Variants in SLC26A9 observed in about 807,000 individuals in gnomAD.
SLC26A9 encodes the protein anion transporter/exchanger protein 9.
SLC26A9 carries 46 observed loss-of-function variants against 87.1 expected under a neutral mutation model. The observed-to-expected ratio is 0.53, with a 90% confidence interval of 0.42 to 0.67. The LOEUF (loss-of-function observed/expected upper bound fraction) is 0.67. Ranked by LOEUF, SLC26A9 falls within the 30% of genes least tolerant of loss-of-function variation. The pLI, the probability that SLC26A9 is intolerant of heterozygous loss-of-function variation, is 0.00. For missense variants in SLC26A9, 927 were observed against 1,018.3 expected, an observed-to-expected ratio of 0.91 and a Z score of 1.22; for synonymous variants, 437 against 409.1, an observed-to-expected ratio of 1.07 and a Z score of -0.82.
chr1:205,922,354 G>A (rs1390750054), intron 16 of SLC26A9, among the ~76,000 whole-genome samples: 1 of 152,210 alleles, frequency 6.6e-6, no homozygotes, highest in African/African-American at 2.4e-5. Context: ...GGGCAGGCTG[G>A]TCTCGAACTC....
rs763848901 is a variant in SLC26A9, at chr1:205,929,363, G to A, written c.718-7C>T. 2 of 1,613,220 alleles carry A rather than the reference G, an allele frequency of 1.2e-6. No individual in the cohort carries two copies. Among genetic ancestry groups the A allele is most frequent in the African/African-American group, 2.7e-5 (2 of 74,916 alleles). On this transcript the variant is annotated splice_region_variant and splice_polypyrimidine_tract_variant and intron_variant, in intron 6 of 20. Coordinates refer to ENST00000367135, the MANE Select transcript of SLC26A9 (RefSeq NM_052934.4). Reference sequence around the variant, plus strand: ...TGCAAATGTCAATGAAGGTCTGGGGGAAAGAGCATCATGCTCACAGGCTCC... The same window carrying A: ...TGCAAATGTCAATGAAGGTCTGGGGAAAAGAGCATCATGCTCACAGGCTCC...
intron 12 of SLC26A9, among the ~76,000 whole-genome samples, chr1:205,924,998 T>A (rs889528984): frequency 6.6e-6 from 1 of 152,140 alleles, no homozygotes; most frequent in African/African-American, 2.4e-5. Context: ...CTCGCTAAGC[T>A]GCCCAAGCTG....
chr1:205,937,489 C>T (rs1378832799), intron 1 of SLC26A9, among the ~76,000 whole-genome samples: 2 of 152,166 alleles, frequency 1.3e-5, no homozygotes, highest in Non-Finnish European at 2.9e-5. Flanking sequence ...TTCAAAGATT[C>T]AGTTTCTTCA....
At chr1:205,917,195 G>C (rs1658628465) in intron 20 of SLC26A9, 88 bp downstream of exon 20, 1 of 1,325,014 alleles carries the variant, frequency 7.5e-7, no homozygotes, top group South Asian at 1.2e-5. Context: ...AGGTGAGACA[G>C]CTGAGTGAAC....
chr1:205,918,856 C>T lies in SLC26A9; in HGVS notation c.2240G>A (p.Gly747Glu). 6.2e-7 allele frequency: 1 copy of T among 1,613,898 alleles called. No individual in the cohort carries two copies. Among genetic ancestry groups the T allele is most frequent in the African/African-American group, 1.3e-5 (1 of 75,050 alleles). ...GAACCTTACCCCTTGGAAGTTGTGT[C>T]CTGGGGTCACGTCTCTAGCATTTGC... Reference protein sequence around the residue: ...AQANARDVTPGHNFQGAPGDA... With the variant: ...AQANARDVTPEHNFQGAPGDA... The change falls in exon 19 of 21, where the codon GGA (glycine) becomes GAA (glutamate). Residue 747 changes from glycine to glutamate, a missense_variant. By Grantham distance (98) the Gly-to-Glu change is moderately conservative (BLOSUM62 -2). Coordinates refer to ENST00000367135, the MANE Select transcript of SLC26A9 (RefSeq NM_052934.4).
At chr1:205,937,276 C>T (rs1659544712) in intron 1 of SLC26A9, among the ~76,000 whole-genome samples, 2 of 152,134 alleles carry the variant, frequency 1.3e-5, no homozygotes, top group Admixed American at 1.3e-4. Flanking sequence ...TGAACCTACC[C>T]CCAGCGCCTG....
intron 5 of SLC26A9, 105 bp downstream of exon 5, chr1:205,931,755 C>T: frequency 6.9e-7 from 1 of 1,440,008 alleles, no homozygotes; most frequent in South Asian, 1.4e-5. Context: ...GCATGAGCCT[C>T]CACACCCAGC....
chr1:205,940,372 G>C (rs1659687463), intron 1 of SLC26A9, among the ~76,000 whole-genome samples: 1 of 152,158 alleles, frequency 6.6e-6, no homozygotes, highest in African/African-American at 2.4e-5. Context: ...TTCTAACCAG[G>C]TCTCTGTCAA....
intron 16 of SLC26A9, among the ~76,000 whole-genome samples, chr1:205,922,055 A>C (rs558893440): frequency 6.6e-5 from 10 of 152,338 alleles, no homozygotes; most frequent in Non-Finnish European, 1.3e-4. Context: ...CCTACAACCC[A>C]GACAAAGTCA....
Position 205,939,082 on chromosome 1 carries a change from G to A in SLC26A9, c.-18-3244C>T, listed in dbSNP as rs766922568. The stretch of plus-strand genomic sequence containing the variant: ...CATCTGCCCATCCCAGGAATAGGAT[G>A]CTGAAGGGGAGAAGGCTCTGGGAGC... On this transcript the variant is annotated intron_variant, in intron 1 of 20. Coordinates refer to ENST00000367135, the MANE Select transcript of SLC26A9 (RefSeq NM_052934.4). Among the ~76,000 whole-genome samples the A allele has an allele frequency of 2.6e-5, 4 of 152,356 alleles. No homozygotes were observed. In the South Asian group the frequency reaches 6.2e-4, roughly 24 times the overall value.
intron 13 of SLC26A9, 69 bp from the exon 14 acceptor site, chr1:205,923,682 G>A: frequency 2.5e-6 from 4 of 1,584,300 alleles, no homozygotes; most frequent in Non-Finnish European, 3.5e-6. Context: ...GGGTGCCCCT[G>A]CTGGGGCGGG....
At position 205,915,754 on chromosome 1, in the gene SLC26A9, C is replaced by T. The variant is rs541526364; in HGVS notation, c.2329-350G>A. On this transcript the variant is annotated intron_variant, in intron 20 of 20. Coordinates refer to ENST00000367135, the MANE Select transcript of SLC26A9 (RefSeq NM_052934.4). ...GTAGACAAGCTCTGAAGTCCTTTCT[C>T]ACGTTGATAAGCTATTTTGGTCCTA... Among the ~76,000 whole-genome samples the T allele has an allele frequency of 6.6e-5, 10 of 152,280 alleles. No individual in the cohort carries two copies. In the South Asian group the frequency reaches 2.1e-3, roughly 32 times the overall value.
At chr1:205,938,684 A>T (rs926454677) in intron 1 of SLC26A9, among the ~76,000 whole-genome samples, 3 of 151,612 alleles carry the variant, frequency 2.0e-5, no homozygotes, top group Non-Finnish European at 4.4e-5. Flanking sequence ...CATCCTTAAG[A>T]CCTGTTGAAG....
chr1:205,930,221 T>A, intron 5 of SLC26A9, 165 bp from the exon 6 acceptor site: 1 of 617,154 alleles, frequency 1.6e-6, no homozygotes, highest in Non-Finnish European at 2.6e-6. Context: ...TTCACTGTGC[T>A]CTACATGGCT....
chr1:205,922,047 TACA>T (rs1658861967), intron 16 of SLC26A9, among the ~76,000 whole-genome samples, 200 bp from the exon 17 acceptor site: 1 of 152,158 alleles, frequency 6.6e-6, no homozygotes, highest in African/African-American at 2.4e-5. Flanking sequence ...CTTGGTCTCC[TACA>T]ACCCAGACAA....
rs1020488115 is a variant in SLC26A9 at position 205,923,598 on chromosome 1, T to G, written c.1512A>C (p.Ala504=). 2 of 1,614,080 alleles carry G rather than the reference T, an allele frequency of 1.2e-6. No homozygotes were observed. The highest frequency in any genetic ancestry group is 1.7e-5 in the Admixed American group (1 of 60,006). ...TGTCAGTGTCCATGACCTGGGCCAG[T>G]GCATAGCCATTTCGACTGGATGAAG... ...VFQTQFRNGY[A]LAQVMDTDIY... is the part of the protein sequence containing the mutation. The change falls in exon 14 of 21, where the codon GCA becomes GCC. Residue 504 remains alanine (A), a synonymous_variant. Transcript: ENST00000367135.
intron 3 of SLC26A9, 40 bp downstream of exon 3, chr1:205,932,905 G>A (rs781102708): frequency 1.2e-6 from 2 of 1,612,140 alleles, no homozygotes; most frequent in Non-Finnish European, 1.7e-6. Flanking sequence ...GAATGGTGAG[G>A]GGAGTGGCAA....
chr1:205,923,714 G>A (rs890130162), intron 13 of SLC26A9, 101 bp from the exon 14 acceptor site: 15 of 1,285,130 alleles, frequency 1.2e-5, no homozygotes, highest in Non-Finnish European at 1.7e-5. Flanking sequence ...GGTAGGATGG[G>A]GTCCTGTCCT....
chr1:205,916,160 G>A (rs189672018), intron 20 of SLC26A9, among the ~76,000 whole-genome samples: 8 of 152,274 alleles, frequency 5.3e-5, no homozygotes, highest in Admixed American at 2.0e-4. Flanking sequence ...GCAGTGGCAC[G>A]ATCTCGGCTC....
Sources: gnomAD v4.1 joint callset for allele counts (sites outside exome capture counted in the v4.1 genomes callset) on GRCh38, gnomAD v4.1.1 for gene constraint, MANE v1.5 for transcripts, NCBI Gene and HGNC (gene_info 2026-07-23, HGNC 2026-07-21) for gene names.